Variants in RAB38 observed in about 807,000 individuals in gnomAD.
RAB38 encodes the protein RAB38, member RAS oncogene family.
In RAB38, 15 loss-of-function variants were observed where a neutral mutation model predicts 18.4. That is an observed-to-expected ratio of 0.82 (90% CI 0.55 to 1.26). The LOEUF (loss-of-function observed/expected upper bound fraction) is 1.26, where lower values mean the gene tolerates loss of function less well. Among genes scored for constraint, RAB38 ranks in the 50% most tolerant of loss-of-function variants. The pLI, the probability that RAB38 is intolerant of heterozygous loss-of-function variation, is 0.00. For synonymous variants in RAB38, 101 were observed against 104.4 expected (o/e 0.97, Z 0.20); for missense variants, 294 against 267.4 (o/e 1.10, Z -0.69).
At chr11:87,871,883 C>A in the RAB38 span, among the ~76,000 whole-genome samples, 2 of 151,518 alleles carry the variant, frequency 1.3e-5, no homozygotes, top group African/African-American at 4.8e-5. Context: ...TGAACATACC[C>A]CATATTAACC....
chr11:88,134,109 C>CT (rs1025153868), intron 2 of RAB38, among the ~76,000 whole-genome samples: 10 of 152,216 alleles, frequency 6.6e-5, no homozygotes, highest in Admixed American at 5.2e-4. Flanking sequence ...TACATAACTA[C>CT]TTACTTTACA....
At chr11:87,856,209 T>C in the RAB38 span, among the ~76,000 whole-genome samples, 1 of 152,312 alleles carries the variant, frequency 6.6e-6, no homozygotes, top group South Asian at 2.1e-4. Flanking sequence ...TGAACTGCAT[T>C]CTGACCAATG....
the RAB38 span, among the ~76,000 whole-genome samples, chr11:87,824,969 C>A: frequency 3.3e-5 from 5 of 151,630 alleles, no homozygotes; most frequent in Non-Finnish European, 7.4e-5. Context: ...GAATGAAGAA[C>A]ACTTTTGAAA....
the RAB38 span, among the ~76,000 whole-genome samples, chr11:88,035,028 T>C: frequency 1.3e-5 from 2 of 152,238 alleles, no homozygotes. Flanking sequence ...TTTCTCTGGA[T>C]GTGTAGTGGA....
chr11:87,930,821 GA>G, the RAB38 span, among the ~76,000 whole-genome samples: 2 of 148,712 alleles, frequency 1.3e-5, no homozygotes, highest in African/African-American at 5.0e-5. Flanking sequence ...ATTAAATAGG[GA>G]ATCCTTTCCC....
the RAB38 span, among the ~76,000 whole-genome samples, chr11:87,864,844 G>A: frequency 1.1e-4 from 17 of 151,626 alleles, no homozygotes; most frequent in Admixed American, 4.6e-4. Context: ...ACTTAATATC[G>A]CAGACGAGCA....
chr11:88,166,467 A>G (rs186201581), intron 1 of RAB38: 1 of 152,236 alleles, frequency 6.6e-6, no homozygotes, highest in Non-Finnish European at 1.5e-5. Context: ...TCTACCACTA[A>G]CAAGCTCTGT....
the RAB38 span, among the ~76,000 whole-genome samples, chr11:87,973,251 T>C: frequency 5.9e-5 from 9 of 152,040 alleles, no homozygotes; most frequent in Non-Finnish European, 8.8e-5. Context: ...TAAGAGAACA[T>C]ATTTTGTCCA....
the RAB38 span, among the ~76,000 whole-genome samples, chr11:87,843,657 C>G: frequency 6.6e-6 from 1 of 152,192 alleles, no homozygotes; most frequent in Non-Finnish European, 1.5e-5. Flanking sequence ...TACTTAAACA[C>G]TTGAAGCCTA....
At chr11:88,106,244 A>G in the RAB38 span, among the ~76,000 whole-genome samples, 15 of 152,302 alleles carry the variant, frequency 9.8e-5, no homozygotes, top group East Asian at 2.7e-3. Context: ...AGATCTTGAC[A>G]AGTGACTTAC....
the RAB38 span, among the ~76,000 whole-genome samples, chr11:88,063,582 G>C: frequency 6.6e-6 from 1 of 152,144 alleles, no homozygotes; most frequent in South Asian, 2.1e-4. Context: ...GATATGGTTT[G>C]GCTCTGTCCC....
intron 2 of RAB38, among the ~76,000 whole-genome samples, chr11:88,141,973 T>C (rs573394516): frequency 6.6e-6 from 1 of 152,302 alleles, no homozygotes; most frequent in Non-Finnish European, 1.5e-5. Context: ...GATAGATATA[T>C]GCCAGGCCAG....
chr11:88,045,379 A>T, the RAB38 span, among the ~76,000 whole-genome samples: 9 of 152,318 alleles, frequency 5.9e-5, 1 homozygote, highest in South Asian at 8.3e-4. Context: ...AACCCCAGCC[A>T]TATCTCCAGC....
At chr11:88,072,534 G>GCT in the RAB38 span, among the ~76,000 whole-genome samples, 1 of 152,092 alleles carries the variant, frequency 6.6e-6, no homozygotes, top group African/African-American at 2.4e-5. Flanking sequence ...AAATTTAGTG[G>GCT]CTGAGAATTT....
chr11:88,051,090 G>A, the RAB38 span, among the ~76,000 whole-genome samples: 4 of 151,868 alleles, frequency 2.6e-5, no homozygotes, highest in Non-Finnish European at 5.9e-5. Context: ...TTAAAATATC[G>A]CATTAAAATT....
the RAB38 span, among the ~76,000 whole-genome samples, chr11:88,101,353 C>T: frequency 1.3e-5 from 2 of 151,890 alleles, no homozygotes; most frequent in African/African-American, 4.8e-5. Flanking sequence ...ATCTTTGAAA[C>T]ATCATTTAAA....
chr11:88,092,988 C>G, the RAB38 span, among the ~76,000 whole-genome samples: 1 of 151,874 alleles, frequency 6.6e-6, no homozygotes, highest in Non-Finnish European at 1.5e-5. Context: ...ATGATCATAT[C>G]TGGTGATGCC....
the RAB38 span, among the ~76,000 whole-genome samples, chr11:87,935,141 G>T: frequency 6.6e-6 from 1 of 151,092 alleles, no homozygotes; most frequent in Non-Finnish European, 1.5e-5. Flanking sequence ...GAAATTAAGG[G>T]TTGCTATATG....
At chr11:87,965,644 G>C in the RAB38 span, among the ~76,000 whole-genome samples, 1 of 152,184 alleles carries the variant, frequency 6.6e-6, no homozygotes, top group Non-Finnish European at 1.5e-5. Flanking sequence ...GATCAGGACA[G>C]TTGGGACATA....
Sources: gnomAD v4.1 joint callset for allele counts (sites outside exome capture counted in the v4.1 genomes callset) on GRCh38, gnomAD v4.1.1 for gene constraint, MANE v1.5 for transcripts, NCBI Gene and HGNC (gene_info 2026-07-23, HGNC 2026-07-21) for gene names.